The following COQ4 variants were observed in gnomAD, a reference collection of about 807,000 sequenced individuals.
COQ4 encodes the protein coenzyme Q4, also known as ubiquinone biosynthesis protein COQ4 homolog, mitochondrial.
Under a neutral mutation model 30.2 loss-of-function variants are expected in COQ4, and 36 were observed. The observed-to-expected ratio is 1.19, with a 90% CI of 0.91 to 1.57. The LOEUF (loss-of-function observed/expected upper bound fraction) is 1.57. Among genes scored for constraint, COQ4 ranks in the 40% most tolerant of loss-of-function variants. COQ4 has a pLI of 0.00. For synonymous variants in COQ4, 197 were observed against 161.0 expected, an observed-to-expected ratio of 1.22 and a Z score of -1.69; for missense variants, 369 against 371.9, an observed-to-expected ratio of 0.99 and a Z score of 0.07.
intron 4 of COQ4, among the ~76,000 whole-genome samples, chr9:128,328,435 T>G (rs1832356208): frequency 1.3e-5 from 2 of 152,144 alleles, no homozygotes; most frequent in Middle Eastern, 3.2e-3. Context: ...CTAGAACAGT[T>G]TCTCAAGCCG....
chr9:128,332,078 G>C, intron 4 of COQ4, 75 bp from the exon 5 acceptor site: 2 of 1,490,992 alleles, frequency 1.3e-6, no homozygotes, highest in South Asian at 1.3e-5. Flanking sequence ...AGTTGTGACG[G>C]TGTCAGAGAC....
At position 128,332,824 on chromosome 9, in the gene COQ4, C is replaced by T. The variant is rs773974377; in HGVS notation, c.533-26C>T. ...GCCTTTCCTTCAGATAGCTTGTTCA[C>T]CTCCCAACACATCCCTCACCCACAG... On this transcript the variant is annotated intron_variant, in intron 5 of 6. Coordinates refer to ENST00000300452, the MANE Select transcript of COQ4 (RefSeq NM_016035.5). 19 of 1,568,244 alleles carry T rather than the reference C, an allele frequency of 1.2e-5. No homozygotes were observed. In the African/African-American group the frequency reaches 2.2e-4, roughly 18 times the overall value.
chr9:128,324,142 C>G (rs1832275445), intron 2 of COQ4, among the ~76,000 whole-genome samples: 1 of 152,036 alleles, frequency 6.6e-6, no homozygotes, highest in African/African-American at 2.4e-5. Context: ...TGCGGCCTGG[C>G]TAATTGTTGT....
Position 128,333,640 on chromosome 9 carries a change from G to C in COQ4, c.793G>C (p.Ala265Pro). 6.4e-7 allele frequency: 1 copy of C among 1,550,612 alleles called. No individual in the cohort carries two copies. The highest frequency in any genetic ancestry group is 1.4e-5 in the African/African-American group (1 of 72,276). Residue 265 changes from alanine (A) to proline (P), a missense_variant, in exon 7 of 7, where the codon GCC becomes CCC. Ala to Pro is a conservative substitution (Grantham distance 27). Transcript: ENST00000300452. ...TAPPMHVQGL[A>P] is the part of the protein sequence containing the mutation. ...ACCACCCATGCACGTCCAGGGCTTGGCCTGAGCTCCTGAGCCAGCGGGGCC... is the reference window on the plus strand; with the variant it reads ...ACCACCCATGCACGTCCAGGGCTTGCCCTGAGCTCCTGAGCCAGCGGGGCC...
At chr9:128,332,385 C>T (rs1436441357) in intron 5 of COQ4, 103 bp downstream of exon 5, 3 of 1,289,430 alleles carry the variant, frequency 2.3e-6, no homozygotes, top group Non-Finnish European at 3.2e-6. Context: ...GGCTTGGTGC[C>T]TCAATTTCTG....
Position 128,325,258 on chromosome 9 carries a change from T to TG in COQ4, c.299+24dup. 1 of 1,526,412 alleles carries TG rather than the reference T, an allele frequency of 6.6e-7. No individual in the cohort carries two copies. Among genetic ancestry groups the TG allele is most frequent in the Non-Finnish European group, 9.1e-7 (1 of 1,104,086 alleles). The allele number at this position is 1,526,412 out of a possible 1,614,324, so 94.6% of individuals were successfully genotyped here. A position where few individuals can be genotyped will look rare whatever the true frequency, so the allele number is the denominator to read the frequency against. On this transcript the variant is annotated intron_variant, in intron 3 of 6. Transcript: ENST00000300452. ...TCCTGCAGTAGGTCCCAGCTCTGCC[T>TG]GGGGGTCTGGGGGCATTCTCTAGGT...
chr9:128,324,933 C>T lies in COQ4; in HGVS notation c.203-210C>T, dbSNP rs75357461. On this transcript the variant is annotated intron_variant, in intron 2 of 6. Transcript: ENST00000300452. ...AACGTTGTGCTAACTAGAGCTGTCC[C>T]GCCCCAGTAGATTAAGAATAAGAAC... Among the ~76,000 whole-genome samples the T allele has an allele frequency of 3.4e-3, 517 of 152,260 alleles. 4 individuals carry two copies. Among genetic ancestry groups the T allele is most frequent in the Non-Finnish European group, 5.8e-3 (396 of 68,000 alleles).
chr9:128,333,060 G>A (rs1420705937), intron 6 of COQ4, 117 bp downstream of exon 6: 6 of 767,994 alleles, frequency 7.8e-6, no homozygotes, highest in Non-Finnish European at 1.4e-5. Flanking sequence ...GCCCGTTCCA[G>A]TTCTCCAGGA....
rs750770201 is a variant in COQ4, at chr9:128,322,933, G to A, written c.70+5G>A. ...GCCTACAGCGGCCTGCGGCAGGCAA[G>A]TGGCGCCGGGTTCTGGGCGCAGGCG... On this transcript the variant is annotated splice_donor_5th_base_variant and intron_variant, in intron 1 of 6. Transcript: ENST00000300452. 6.2e-7 allele frequency: 1 copy of A among 1,601,888 alleles called. No homozygotes were observed. Among genetic ancestry groups the A allele is most frequent in the Admixed American group, 1.7e-5 (1 of 59,620 alleles).
intron 4 of COQ4, among the ~76,000 whole-genome samples, chr9:128,328,901 C>G (rs73672496): frequency 0.025 from 3,759 of 152,284 alleles, 154 homozygotes; most frequent in African/African-American, 0.086. Context: ...CCTTGCTCAG[C>G]CACAGCCCCA....
At position 128,332,848 on chromosome 9, in the gene COQ4, AG is replaced by A; in HGVS notation, c.535del. On this transcript the variant is annotated splice_acceptor_variant, in intron 5 of 6. Coordinates refer to ENST00000300452, the MANE Select transcript of COQ4 (RefSeq NM_016035.5). LOFTEE classifies it high-confidence loss of function. ...ACCTCCCAACACATCCCTCACCCAC[AG>A]GGGAGATCGTGGTGAAATGGTTTGA... 6.2e-7 allele frequency: 1 copy of A among 1,611,842 alleles called. No homozygotes were observed. Among genetic ancestry groups the A allele is most frequent in the Middle Eastern group, 1.7e-4 (1 of 6,060 alleles).
In COQ4 at chr9:128,333,807, AC is replaced by A. The variant is rs1325244417; in HGVS notation, c.*166del. ...CACTGCTGAGTGGCCTTGAGGACGA[AC>A]CCCGCAGGGAGCAAGCAGTACAGTG... is the stretch of plus-strand genomic sequence containing the variant. On this transcript the variant is annotated 3_prime_UTR_variant, in exon 7 of 7. Coordinates refer to ENST00000300452, the MANE Select transcript of COQ4 (RefSeq NM_016035.5). 1 of 593,180 alleles carries A rather than the reference AC, an allele frequency of 1.7e-6. No homozygotes were observed. Among genetic ancestry groups the A allele is most frequent in the Non-Finnish European group, 2.7e-6 (1 of 371,764 alleles). 36.7% of individuals were successfully genotyped at this position (593,180 alleles called of 1,614,324 possible).
Position 128,325,148 on chromosome 9 carries a change from G to T in COQ4, c.208G>T (p.Val70Phe). Residue 70 changes from valine to phenylalanine, a missense_variant, in exon 3 of 7, where the codon GTC (valine) becomes TTC (phenylalanine). Physicochemically the swap from Val to Phe is conservative, Grantham distance 50 (BLOSUM62 -1). Transcript: ENST00000300452. Reference sequence around the variant, plus strand: ...GCCCGTTTCTGTCCTTTCAGACATGGTCGCAGTTCTAGGGGAGACCACAGG... The same window carrying T: ...GCCCGTTTCTGTCCTTTCAGACATGTTCGCAGTTCTAGGGGAGACCACAGG... Reference protein sequence around the residue: ...ALYNPYRHDMVAVLGETTGHR... With the variant: ...ALYNPYRHDMFAVLGETTGHR... 1.2e-6 allele frequency: 2 copies of T among 1,613,066 alleles called. No individual in the cohort carries two copies. Among genetic ancestry groups the T allele is most frequent in the Non-Finnish European group, 8.5e-7 (1 of 1,179,296 alleles).
chr9:128,333,837 T>G lies in COQ4; in HGVS notation c.*192T>G. 2.3e-6 allele frequency: 1 copy of G among 439,748 alleles called. No homozygotes were observed. Among genetic ancestry groups the G allele is most frequent in the Non-Finnish European group, 3.9e-6 (1 of 253,332 alleles). 27.2% of individuals were successfully genotyped at this position (439,748 alleles called of 1,614,324 possible). A position where few individuals can be genotyped will look rare whatever the true frequency, so the allele number is the denominator to read the frequency against. ...GCAGGGAGCAAGCAGTACAGTGGCA[T>G]TCCCAGGGGGACCAGCAGCTACCCA... On this transcript the variant is annotated 3_prime_UTR_variant, in exon 7 of 7. Coordinates refer to ENST00000300452, the MANE Select transcript of COQ4 (RefSeq NM_016035.5).
intron 4 of COQ4, among the ~76,000 whole-genome samples, chr9:128,327,393 A>C (rs372419063): frequency 6.6e-6 from 1 of 152,160 alleles, no homozygotes; most frequent in East Asian, 1.9e-4. Flanking sequence ...CAGTGAGCTG[A>C]GATCACACCA....
rs781117602 is a variant in COQ4 at position 128,325,190 on chromosome 9, G to T, written c.250G>T (p.Val84Phe). The T allele has an allele frequency of 6.2e-7, 1 of 1,614,160 alleles. No individual in the cohort carries two copies. Among genetic ancestry groups the T allele is most frequent in the Non-Finnish European group, 8.5e-7 (1 of 1,179,990 alleles). ...GACCACAGGACACCGCACCCTGAAGGTCCTCAGGGACCAGATGAGGAGGGA... is the reference window on the plus strand; with the variant it reads ...GACCACAGGACACCGCACCCTGAAGTTCCTCAGGGACCAGATGAGGAGGGA... ...GETTGHRTLK[V>F]LRDQMRRDPE... The change falls in exon 3 of 7, where the codon GTC (valine) becomes TTC (phenylalanine). Residue 84 changes from valine (V) to phenylalanine (F), a missense_variant. Coordinates refer to ENST00000300452, the MANE Select transcript of COQ4 (RefSeq NM_016035.5).
At chr9:128,331,303 C>T (rs995340265) in intron 4 of COQ4, 1 of 151,746 alleles carries the variant, frequency 6.6e-6, no homozygotes, top group African/African-American at 2.4e-5. Flanking sequence ...TTAATACTCA[C>T]ATCCACTAAA....
In COQ4 at chr9:128,333,324, A is replaced by AG. The variant is rs2131236557; in HGVS notation, c.627-149dup. The AG allele has an allele frequency of 4.6e-6, 3 of 656,036 alleles. No individual in the cohort carries two copies. In the East Asian group the frequency reaches 8.3e-5, roughly 18 times the overall value. 40.6% of individuals were successfully genotyped at this position (656,036 alleles called of 1,614,324 possible). On this transcript the variant is annotated intron_variant, in intron 6 of 6. Coordinates refer to ENST00000300452, the MANE Select transcript of COQ4 (RefSeq NM_016035.5). ...TTGGGCTTGAGATTCCACCTCACTG[A>AG]GCTCTGTTGCCTCATCTAAAAAGCA...
chr9:128,325,102 A>G, intron 2 of COQ4, 41 bp from the exon 3 acceptor site: 1 of 1,469,478 alleles, frequency 6.8e-7, no homozygotes, highest in Non-Finnish European at 9.5e-7. Context: ...TAACTTACCT[A>G]AGATGACATC....
Sources: gnomAD v4.1 joint callset for allele counts (sites outside exome capture counted in the v4.1 genomes callset) on GRCh38, gnomAD v4.1.1 for gene constraint, MANE v1.5 for transcripts, NCBI Gene and HGNC (gene_info 2026-07-23, HGNC 2026-07-21) for gene names.